Variants in SCMH1 observed in about 807,000 individuals in gnomAD.
SCMH1 encodes the protein Scm polycomb group protein homolog 1.
Under a neutral mutation model 70.8 loss-of-function variants are expected in SCMH1, and 37 were observed. The ratio of observed to expected loss-of-function variants is 0.52; its 90% confidence interval spans 0.40 to 0.69. The LOEUF is 0.69. Among genes scored for constraint, SCMH1 ranks in the 30% least tolerant of loss-of-function variants. The probability of loss-of-function intolerance (pLI) is 0.00; values close to 1 mark genes in which losing one functional copy is unlikely to be tolerated. For synonymous variants in SCMH1, 292 were observed against 307.4 expected, an observed-to-expected ratio of 0.95 and a Z score of 0.52; for missense variants, 607 against 827.3, an observed-to-expected ratio of 0.73 and a Z score of 3.27.
chr1:41,234,766 G>A (rs988018382), intron 1 of SCMH1, among the ~76,000 whole-genome samples: 2 of 151,694 alleles, frequency 1.3e-5, no homozygotes, highest in East Asian at 3.9e-4. Context: ...GAGCCACCGC[G>A]CCCGGCAAAA....
At chr1:41,044,697 G>C (rs1178049588) in intron 12 of SCMH1, among the ~76,000 whole-genome samples, 3 of 152,156 alleles carry the variant, frequency 2.0e-5, no homozygotes, top group African/African-American at 7.2e-5. Flanking sequence ...GCTAATGGCA[G>C]AATGTGATAC....
At chr1:41,210,626 A>C (rs747380360) in intron 1 of SCMH1, among the ~76,000 whole-genome samples, 12 of 152,190 alleles carry the variant, frequency 7.9e-5, no homozygotes, top group Non-Finnish European at 1.6e-4. Flanking sequence ...CCTATTTAAT[A>C]AATGGTGCTG....
intron 6 of SCMH1, among the ~76,000 whole-genome samples, chr1:41,117,748 T>C (rs958660590): frequency 1.3e-5 from 2 of 152,136 alleles, no homozygotes; most frequent in Non-Finnish European, 1.5e-5. Flanking sequence ...TGGCGTAAGC[T>C]GTCTCTCTCT....
intron 1 of SCMH1, among the ~76,000 whole-genome samples, chr1:41,212,372 G>A (rs17358038): frequency 0.014 from 2,198 of 152,188 alleles, 21 homozygotes; most frequent in Admixed American, 0.02. Context: ...TCTGAATACA[G>A]TTCTTACAGC....
rs546399615 is a variant in SCMH1 at position 41,028,670 on chromosome 1, A to C, written c.1735T>G (p.Ser579Ala). 1.4e-4 allele frequency: 229 copies of C among 1,614,068 alleles called. 2 individuals carry two copies. The South Asian group carries it at 2.2e-3, about 16-fold the overall frequency. The change falls in exon 14 of 15, where the codon TCC becomes GCC. Residue 579 changes from serine (S) to alanine (A), a missense_variant. Ser to Ala is a moderately conservative substitution (Grantham distance 99). Around this residue, in one of 3 missense-constraint regions of SCMH1, gnomAD observed 430 missense variants for 528.2 expected, o/e 0.81. Coordinates refer to ENST00000337495, the Ensembl canonical transcript of SCMH1. ...ATCACATCCTCGACTGTCCATGAGG[A>C]GGGGTCCCGGCCACTCAGTCGAGAG...
chr1:41,205,539 G>C (rs1388893883), intron 1 of SCMH1, among the ~76,000 whole-genome samples: 1 of 152,214 alleles, frequency 6.6e-6, no homozygotes, highest in Admixed American at 6.5e-5. Flanking sequence ...CGGGGGGGAG[G>C]GGCATCTGCC....
chr1:41,127,210 AATTTTTCT>A (rs898590268), intron 6 of SCMH1, among the ~76,000 whole-genome samples: 7 of 152,242 alleles, frequency 4.6e-5, no homozygotes, highest in Admixed American at 2.6e-4. Flanking sequence ...AGTCTTAAAA[AATTTTTCT>A]ATTTTTCTAT....
intron 2 of SCMH1, among the ~76,000 whole-genome samples, chr1:41,175,054 T>C (rs1204267121): frequency 6.6e-6 from 1 of 152,228 alleles, no homozygotes; most frequent in African/African-American, 2.4e-5. Flanking sequence ...TGGTTAACTT[T>C]ATGTGTCAAC....
intron 1 of SCMH1, among the ~76,000 whole-genome samples, chr1:41,220,563 A>G (rs1386520427): frequency 6.6e-6 from 1 of 152,144 alleles, no homozygotes; most frequent in Non-Finnish European, 1.5e-5. Context: ...TCAAAAACCA[A>G]CTCACCTGGA....
intron 8 of SCMH1, among the ~76,000 whole-genome samples, chr1:41,091,658 CCTT>C (rs777529268): frequency 3.3e-5 from 5 of 152,184 alleles, no homozygotes; most frequent in Non-Finnish European, 7.3e-5. Flanking sequence ...CCCAAAATCT[CCTT>C]AAGCTGATAC....
intron 12 of SCMH1, among the ~76,000 whole-genome samples, chr1:41,039,522 CTGG>C (rs1420067328): frequency 6.6e-6 from 1 of 151,646 alleles, no homozygotes; most frequent in Non-Finnish European, 1.5e-5. Flanking sequence ...ATCACCCAGG[CTGG>C]AATACAGTGG....
At chr1:41,082,119 C>A (rs1488038926) in intron 8 of SCMH1, among the ~76,000 whole-genome samples, 1 of 151,788 alleles carries the variant, frequency 6.6e-6, no homozygotes, top group African/African-American at 2.4e-5. Flanking sequence ...ACTATGGGGG[C>A]GGCCAAAGAT....
rs114011195 is a variant in SCMH1 at position 41,173,734 on chromosome 1, T to C, written c.14-12302A>G. On this transcript the variant is annotated intron_variant, in intron 2 of 14. Coordinates refer to ENST00000337495, the Ensembl canonical transcript of SCMH1. The stretch of plus-strand genomic sequence containing the variant: ...ACCAAAGTGTCCATCATTAGATAAA[T>C]AGATAAAGAAAATATGGTATATATA... Among the ~76,000 whole-genome samples the C allele has an allele frequency of 3.3e-3, 497 of 151,686 alleles. 1 individual carries two copies. The highest frequency in any genetic ancestry group is 0.011 in the African/African-American group (460 of 41,018).
chr1:41,027,390 C>T (rs1643939979), exon 15 of SCMH1: 1 of 152,290 alleles, frequency 6.6e-6, no homozygotes, highest in African/African-American at 2.4e-5. Flanking sequence ...GCCTGATTTT[C>T]TTCGACAGCA....
At chr1:41,205,503 A>G (rs1655318932) in intron 1 of SCMH1, among the ~76,000 whole-genome samples, 1 of 151,914 alleles carries the variant, frequency 6.6e-6, no homozygotes, top group East Asian at 1.9e-4. Flanking sequence ...AGGCTGTGAG[A>G]CCCCTGATTT....
intron 6 of SCMH1, among the ~76,000 whole-genome samples, chr1:41,136,961 G>T (rs1643451456): frequency 6.6e-6 from 1 of 151,724 alleles, no homozygotes; most frequent in African/African-American, 2.4e-5. Context: ...AAACATTTTT[G>T]TTGAGACAGG....
chr1:41,191,114 A>G (rs1013692316), intron 1 of SCMH1, among the ~76,000 whole-genome samples: 1 of 152,178 alleles, frequency 6.6e-6, no homozygotes, highest in Non-Finnish European at 1.5e-5. Flanking sequence ...GCCTCAAGCA[A>G]TCCTCCTGTC....
chr1:41,179,187 C>T (rs559463181), intron 2 of SCMH1, among the ~76,000 whole-genome samples: 161 of 151,870 alleles, frequency 1.1e-3, no homozygotes, highest in Middle Eastern at 0.01. Context: ...TTGAAACCAA[C>T]GAGAACAAAG....
chr1:41,046,135 CAGA>C (rs887053198), intron 12 of SCMH1, among the ~76,000 whole-genome samples: 7 of 152,226 alleles, frequency 4.6e-5, no homozygotes, highest in African/African-American at 1.4e-4. Context: ...GTCTGAAACT[CAGA>C]AGGGGAATTG....
Sources: allele counts gnomAD v4.1 joint callset (sites outside exome capture counted in the v4.1 genomes callset), GRCh38; gene constraint gnomAD v4.1.1; regional missense constraint gnomAD v4.1.1; transcripts MANE v1.5; gene names NCBI Gene and HGNC (gene_info 2026-07-23, HGNC 2026-07-21).